Variants in KRT73 observed in about 807,000 individuals in gnomAD.
KRT73 encodes the protein keratin 73.
In KRT73, 44 loss-of-function variants were observed where a neutral mutation model predicts 47.2. The ratio of observed to expected loss-of-function variants is 0.93; its 90% CI spans 0.73 to 1.20. The LOEUF is 1.20. Among genes scored for constraint, KRT73 ranks in the 50% most tolerant of loss-of-function variants. KRT73 has a pLI of 0.00. For missense variants in KRT73, 713 were observed against 704.5 expected (o/e 1.01, Z -0.14); for synonymous variants, 285 against 291.3 (o/e 0.98, Z 0.22).
At chr12:52,614,435 T>G in intron 4 of KRT73, 144 bp downstream of exon 4, 1 of 629,814 alleles carries the variant, frequency 1.6e-6, no homozygotes, top group Non-Finnish European at 2.7e-6. Flanking sequence ...AGATGGCCAC[T>G]CCCACCTTTG....
At chr12:52,623,399 G>A (rs1157693726), upstream of KRT73, among the ~76,000 whole-genome samples, 1 of 152,148 alleles carries the variant, frequency 6.6e-6, no homozygotes, top group Non-Finnish European at 1.5e-5. Flanking sequence ...CAGGAATGAA[G>A]ACAAAATGAA....
Position 52,613,848 on chromosome 12 carries a change from G to A in KRT73, c.824C>T (p.Thr275Ile), listed in dbSNP as rs1940756854. ...KFFKCLYEGE[T>I]AQIQSHISDT... ...GCTGATGTGGGACTGGATCTGAGCA[G>A]TCTCCTGCAGGGGAAACAAGGAAGC... The change falls in exon 5 of 9, where the codon ACT becomes ATT. Residue 275 changes from threonine (T) to isoleucine (I), a missense_variant. Coordinates refer to ENST00000305748, the MANE Select transcript of KRT73 (RefSeq NM_175068.3). The A allele has an allele frequency of 1.9e-6, 3 of 1,613,576 alleles. 1 individual carries two copies. The highest frequency in any genetic ancestry group is 2.5e-6 in the Non-Finnish European group (3 of 1,179,650).
chr12:52,623,708 G>A, the KRT73 span, among the ~76,000 whole-genome samples: 1 of 151,880 alleles, frequency 6.6e-6, no homozygotes, highest in African/African-American at 2.4e-5. Flanking sequence ...ATGAGAGACG[G>A]TAAAGGAATA....
the KRT73 span, among the ~76,000 whole-genome samples, chr12:52,629,492 G>A: frequency 2.0e-5 from 3 of 152,176 alleles, no homozygotes; most frequent in Non-Finnish European, 2.9e-5. Context: ...ACAGGGCCAC[G>A]GACAAATAGT....
chr12:52,612,736 G>T (rs1013406074), intron 5 of KRT73: 3 of 152,144 alleles, frequency 2.0e-5, no homozygotes, highest in African/African-American at 7.2e-5. Context: ...CTTTCCCAGA[G>T]TCACCTTCTG....
Position 52,608,377 on chromosome 12 carries a change from C to A in KRT73, c.1442G>T (p.Gly481Val). 1 of 1,613,246 alleles carries A rather than the reference C, an allele frequency of 6.2e-7. No homozygotes were observed. Among genetic ancestry groups the A allele is most frequent in the Non-Finnish European group, 8.5e-7 (1 of 1,180,030 alleles). ...CCCGCTGACAGAGCTGGGCCAGTAG[C>A]CGTAGGTGCCAGCATTGCTGAATCC... Reference protein sequence around the residue: ...GFGFSNAGTYGYWPSSVSGGY... With the variant: ...GFGFSNAGTYVYWPSSVSGGY... The change falls in exon 9 of 9, where the codon GGC becomes GTC. Residue 481 changes from glycine (G) to valine (V), a missense_variant. Transcript: ENST00000305748.
At chr12:52,623,794 A>G in the KRT73 span, among the ~76,000 whole-genome samples, 1 of 152,124 alleles carries the variant, frequency 6.6e-6, no homozygotes, top group Non-Finnish European at 1.5e-5. Flanking sequence ...ATATAATAAA[A>G]TACTCAGCAG....
the KRT73 span, among the ~76,000 whole-genome samples, chr12:52,629,687 C>T: frequency 2.0e-5 from 3 of 152,228 alleles, no homozygotes; most frequent in Non-Finnish European, 4.4e-5. Context: ...CTCTAGATTG[C>T]CTGTTCGCAT....
At chr12:52,616,776 G>A (rs768033024) in intron 1 of KRT73, among the ~76,000 whole-genome samples, 1 of 152,072 alleles carries the variant, frequency 6.6e-6, no homozygotes, top group Non-Finnish European at 1.5e-5. Flanking sequence ...TTCTGCTCGG[G>A]GTCTGGTGGC....
rs1307991327 is a variant in KRT73, at chr12:52,610,746, C to T, written c.1200G>A (p.Glu400=). 4 of 1,614,010 alleles carry T rather than the reference C, an allele frequency of 2.5e-6. No individual in the cohort carries two copies. The highest frequency in any genetic ancestry group is 3.4e-6 in the Non-Finnish European group (4 of 1,180,022). ...KDARAKLDEL[E]GALQQAKEEL... is the part of the protein sequence containing the mutation. Reference sequence around the variant, plus strand: ...CCTCCTTGGCCTGCTGCAGGGCGCCCTCCAGCTCATCCAGCTTGGCCCTGG... The same window carrying T: ...CCTCCTTGGCCTGCTGCAGGGCGCCTTCCAGCTCATCCAGCTTGGCCCTGG... The change falls in exon 7 of 9, where the codon GAG becomes GAA. Residue 400 remains glutamate (E), a synonymous_variant. Coordinates refer to ENST00000305748, the MANE Select transcript of KRT73 (RefSeq NM_175068.3).
chr12:52,610,758 C>T lies in KRT73; in HGVS notation c.1188G>A (p.Leu396=). Residue 396 remains leucine (L), a synonymous_variant, in exon 7 of 9, where the codon CTG becomes CTA. Transcript: ENST00000305748. ...GCTGCAGGGCGCCCTCCAGCTCATC[C>T]AGCTTGGCCCTGGCATCCTTGAGGG... The part of the protein sequence containing the change: ...DCALKDARAK[L]DELEGALQQA... 1 of 1,613,986 alleles carries T rather than the reference C, an allele frequency of 6.2e-7. No individual in the cohort carries two copies. Among genetic ancestry groups the T allele is most frequent in the Non-Finnish European group, 8.5e-7 (1 of 1,180,030 alleles).
chr12:52,625,402 A>G, the KRT73 span, among the ~76,000 whole-genome samples: 1 of 152,210 alleles, frequency 6.6e-6, no homozygotes. Flanking sequence ...GAAATTCAAC[A>G]TTAGAGAAAT....
chr12:52,615,449 AT>A, intron 2 of KRT73, 110 bp from the exon 3 acceptor site: 1 of 845,324 alleles, frequency 1.2e-6, no homozygotes. Context: ...TTTAAGAGGT[AT>A]TATTCTATAC....
the KRT73 span, among the ~76,000 whole-genome samples, chr12:52,627,232 A>G: frequency 6.6e-6 from 1 of 152,304 alleles, no homozygotes. Context: ...TGTTCCTGAG[A>G]TGCTCTTCCC....
At chr12:52,615,816 C>T (rs1036649495) in intron 2 of KRT73, among the ~76,000 whole-genome samples, 12 of 152,160 alleles carry the variant, frequency 7.9e-5, no homozygotes, top group African/African-American at 2.9e-4. Flanking sequence ...GGAACTCCAC[C>T]TCCTTCCCTG....
At chr12:52,609,375 C>T in intron 7 of KRT73, 94 bp from the exon 8 acceptor site, 1 of 1,031,138 alleles carries the variant, frequency 9.7e-7, no homozygotes. Context: ...CCCAGCCAGA[C>T]CAGCTCAGCC....
chr12:52,617,461 G>C (rs1327708039), intron 1 of KRT73, among the ~76,000 whole-genome samples: 1 of 152,174 alleles, frequency 6.6e-6, no homozygotes, highest in Non-Finnish European at 1.5e-5. Flanking sequence ...TGCTGCTGCT[G>C]GTTCCAGGGC....
chr12:52,619,822 A>G (rs1940872961), upstream of KRT73, among the ~76,000 whole-genome samples: 5 of 152,192 alleles, frequency 3.3e-5, no homozygotes, highest in South Asian at 1.0e-3. Context: ...ATATATCCAT[A>G]GTATAGAATT....
At chr12:52,608,947 A>T (rs1940640016) in intron 8 of KRT73, among the ~76,000 whole-genome samples, 1 of 152,162 alleles carries the variant, frequency 6.6e-6, no homozygotes, top group Non-Finnish European at 1.5e-5. Context: ...TCCTTCATGC[A>T]GGAGAGCCGG....
Sources: gnomAD v4.1 joint callset for allele counts (sites outside exome capture counted in the v4.1 genomes callset) on GRCh38, gnomAD v4.1.1 for gene constraint, MANE v1.5 for transcripts, NCBI Gene and HGNC (gene_info 2026-07-23, HGNC 2026-07-21) for gene names.